ZNF385D: variants seen among roughly 807,000 people sequenced by gnomAD.
ZNF385D encodes zinc finger protein 659.
ZNF385D carries 15 observed loss-of-function variants against 35.8 expected under a neutral mutation model. The observed-to-expected ratio is 0.42, with a 90% CI of 0.28 to 0.64. The LOEUF (loss-of-function observed/expected upper bound fraction) is 0.64, where lower values mean the gene tolerates loss of function less well. Ranked by LOEUF, ZNF385D falls within the 30% of genes least tolerant of loss-of-function variation. ZNF385D has a pLI of 0.23. For synonymous variants in ZNF385D, 212 were observed against 186.8 expected, an observed-to-expected ratio of 1.13 and a Z score of -1.10; for missense variants, 474 against 494.6, an observed-to-expected ratio of 0.96 and a Z score of 0.39.
intron 1 of ZNF385D, among the ~76,000 whole-genome samples, chr3:21,682,068 G>A (rs1394192269): frequency 6.6e-6 from 1 of 152,000 alleles, no homozygotes; most frequent in Non-Finnish European, 1.5e-5. Context: ...CAATTTTGGA[G>A]GAAAAAAGAG....
In ZNF385D at chr3:22,217,310, C is replaced by A. The variant is rs117417169; in HGVS notation, c.107-48275G>T. ...TTTCTGCTCCCTGACATGGGTGCCC[C>A]ATCATGCGACCCTCTGTGGTGTGCC... On this transcript the variant is annotated intron_variant, in intron 2 of 5. Coordinates refer to the ZNF385D transcript ENST00000494108. Among the ~76,000 whole-genome samples the A allele has an allele frequency of 3.3e-4, 50 of 152,254 alleles. No individual in the cohort carries two copies. The East Asian group carries it at 9.3e-3, about 28-fold the overall frequency.
intron 3 of ZNF385D, among the ~76,000 whole-genome samples, chr3:22,018,135 C>A (rs1697000402): frequency 6.6e-6 from 1 of 151,448 alleles, no homozygotes; most frequent in African/African-American, 2.4e-5. Context: ...ATAAGTAAAC[C>A]ATTTTTATTG....
At chr3:21,948,855 T>C (rs559861) in intron 3 of ZNF385D, among the ~76,000 whole-genome samples, 39,233 of 151,972 alleles carry the variant, frequency 0.26, 5,758 homozygotes, top group Admixed American at 0.41. Flanking sequence ...GTCTTTGATC[T>C]AAAAATCTTG....
intron 2 of ZNF385D, among the ~76,000 whole-genome samples, chr3:22,331,251 GCATAGATTA>G (rs1206513583): frequency 6.6e-6 from 1 of 151,976 alleles, no homozygotes; most frequent in Non-Finnish European, 1.5e-5. Context: ...AAAAGGCTTT[GCATAGATTA>G]CACAGCACAA....
chr3:21,751,226 A>C, upstream of ZNF385D: 1 of 1,242,944 alleles, frequency 8.0e-7, no homozygotes, highest in Non-Finnish European at 1.0e-6. Context: ...TACTACAAGC[A>C]GACCCCTCCA....
At chr3:21,965,664 A>G (rs1429242694) in intron 3 of ZNF385D, among the ~76,000 whole-genome samples, 2 of 152,228 alleles carry the variant, frequency 1.3e-5, no homozygotes, top group Non-Finnish European at 2.9e-5. Flanking sequence ...TACCAGAACA[A>G]CTGACAAATT....
intron 3 of ZNF385D, among the ~76,000 whole-genome samples, chr3:22,113,787 C>T (rs750609186): frequency 1.3e-5 from 2 of 152,018 alleles, no homozygotes; most frequent in African/African-American, 4.8e-5. Context: ...GATAAAGTCT[C>T]TTCTGCTAAA....
At chr3:21,907,065 T>A (rs1197170091) in intron 3 of ZNF385D, among the ~76,000 whole-genome samples, 3 of 152,190 alleles carry the variant, frequency 2.0e-5, no homozygotes, top group African/African-American at 7.2e-5. Flanking sequence ...GCCTTTGTAC[T>A]AGGCCATTTG....
intron 3 of ZNF385D, among the ~76,000 whole-genome samples, chr3:22,091,064 G>A (rs150262131): frequency 6.6e-6 from 1 of 152,108 alleles, no homozygotes; most frequent in African/African-American, 2.4e-5. Flanking sequence ...CAGGTGTTAG[G>A]CCAAGAAGCA....
chr3:22,043,117 T>C (rs910767095), intron 3 of ZNF385D, among the ~76,000 whole-genome samples: 27 of 152,166 alleles, frequency 1.8e-4, no homozygotes, highest in African/African-American at 6.0e-4. Context: ...CTGCAGTCAT[T>C]TGGTTTACAA....
chr3:22,086,578 T>C (rs1701055953), intron 3 of ZNF385D, among the ~76,000 whole-genome samples: 2 of 152,172 alleles, frequency 1.3e-5, no homozygotes, highest in Admixed American at 1.3e-4. Flanking sequence ...GAACATTCCA[T>C]GCTCATAGAT....
chr3:22,187,979 G>T (rs1368543187), intron 2 of ZNF385D, among the ~76,000 whole-genome samples: 1 of 151,876 alleles, frequency 6.6e-6, no homozygotes, highest in Non-Finnish European at 1.5e-5. Context: ...ATGTCATTAA[G>T]TAAGTGGGTC....
intron 3 of ZNF385D, among the ~76,000 whole-genome samples, chr3:21,965,873 A>C (rs1297910401): frequency 6.6e-6 from 1 of 152,220 alleles, no homozygotes; most frequent in Non-Finnish European, 1.5e-5. Flanking sequence ...TGGAAGAAGA[A>C]GAGATAACAA....
At chr3:21,716,778 TG>T (rs2068335944) in intron 1 of ZNF385D, among the ~76,000 whole-genome samples, 1 of 152,122 alleles carries the variant, frequency 6.6e-6, no homozygotes, top group Non-Finnish European at 1.5e-5. Flanking sequence ...TTAGAATTTT[TG>T]TTGTTGTTGT....
intron 2 of ZNF385D, among the ~76,000 whole-genome samples, chr3:22,236,244 T>A (rs1699177786): frequency 6.6e-6 from 1 of 152,220 alleles, no homozygotes. Flanking sequence ...TATTTACATA[T>A]GTATACACAT....
intron 3 of ZNF385D, among the ~76,000 whole-genome samples, chr3:21,562,342 A>G (rs1290729435): frequency 6.6e-6 from 1 of 152,156 alleles, no homozygotes; most frequent in Non-Finnish European, 1.5e-5. Flanking sequence ...CAATATTTCT[A>G]AAGTGTCCAA....
chr3:21,571,418 C>T (rs954621912), intron 2 of ZNF385D, among the ~76,000 whole-genome samples: 5 of 152,050 alleles, frequency 3.3e-5, no homozygotes, highest in African/African-American at 1.2e-4. Flanking sequence ...CAATTCTAGG[C>T]ATGTGATTTG....
At chr3:21,714,972 T>C (rs2068257123) in intron 1 of ZNF385D, among the ~76,000 whole-genome samples, 1 of 152,206 alleles carries the variant, frequency 6.6e-6, no homozygotes. Flanking sequence ...AGAACAGCTA[T>C]AATCTACTCA....
chr3:21,970,095 G>A (rs1703153301), intron 3 of ZNF385D, among the ~76,000 whole-genome samples: 1 of 152,114 alleles, frequency 6.6e-6, no homozygotes, highest in Non-Finnish European at 1.5e-5. Flanking sequence ...TGCTTCCCAA[G>A]AAGGACAGGT....
Sources: allele counts gnomAD v4.1 joint callset (sites outside exome capture counted in the v4.1 genomes callset), GRCh38; gene constraint gnomAD v4.1.1; transcripts MANE v1.5; gene names NCBI Gene and HGNC (gene_info 2026-07-23, HGNC 2026-07-21).